The following AOAH variants were observed in gnomAD, a reference collection of about 807,000 sequenced individuals.
AOAH encodes acyloxyacyl hydrolase (neutrophil).
A neutral mutation model predicts 92.2 loss-of-function variants in AOAH; 64 were observed. The ratio of observed to expected loss-of-function variants is 0.69; its 90% confidence interval spans 0.57 to 0.86. The LOEUF (loss-of-function observed/expected upper bound fraction) is 0.86, where lower values mean the gene tolerates loss of function less well. Among genes scored for constraint, AOAH ranks in the 40% least tolerant of loss-of-function variants. The probability of loss-of-function intolerance (pLI) is 0.00; values close to 1 mark genes in which losing one functional copy is unlikely to be tolerated. For missense variants in AOAH, 656 were observed against 694.6 expected, an observed-to-expected ratio of 0.94 and a Z score of 0.62; for synonymous variants, 263 against 254.5, an observed-to-expected ratio of 1.03 and a Z score of -0.32.
chr7:36,530,362 G>T, intron 19 of AOAH, 56 bp downstream of exon 19: 1 of 1,276,334 alleles, frequency 7.8e-7, no homozygotes, highest in Non-Finnish European at 1.1e-6. Context: ...AGTTGCCCAG[G>T]CCCTAAACTA....
At chr7:36,657,889 T>C (rs1043462298) in intron 4 of AOAH, among the ~76,000 whole-genome samples, 3 of 152,206 alleles carry the variant, frequency 2.0e-5, no homozygotes, top group African/African-American at 7.2e-5. Flanking sequence ...CGACTATGTG[T>C]AGCTGTGGGT....
At position 36,672,979 on chromosome 7, in the gene AOAH, CAGA is replaced by C. The variant is rs367739767; in HGVS notation, c.290+961_290+963del. ...CCTCCATAATTTTTTTTATAGAAAG[CAGA>C]AGAAGGATGAACACGGAATTTAGGA... On this transcript the variant is annotated intron_variant, in intron 3 of 20. Transcript: ENST00000617537. Among the ~76,000 whole-genome samples, 428 of 151,422 alleles carry C rather than the reference CAGA, an allele frequency of 2.8e-3. 1 individual carries two copies. Among genetic ancestry groups the C allele is most frequent in the African/African-American group, 9.9e-3 (409 of 41,236 alleles).
At chr7:36,681,607 C>A (rs1796648294) in intron 2 of AOAH, among the ~76,000 whole-genome samples, 2 of 152,084 alleles carry the variant, frequency 1.3e-5, no homozygotes, top group Admixed American at 1.3e-4. Context: ...GAGTTAAAGA[C>A]CAGCCTGACC....
At chr7:36,567,740 C>T (rs577513756) in intron 13 of AOAH, among the ~76,000 whole-genome samples, 2 of 152,144 alleles carry the variant, frequency 1.3e-5, no homozygotes, top group Non-Finnish European at 2.9e-5. Context: ...TGTTTTTGTG[C>T]CCAGGGCAAG....
intron 12 of AOAH, among the ~76,000 whole-genome samples, chr7:36,590,306 AT>A (rs1036424453): frequency 1.4e-3 from 208 of 150,240 alleles, no homozygotes; most frequent in African/African-American, 4.2e-3. Flanking sequence ...CCCCACAGAG[AT>A]TTTTTTTTTC....
intron 19 of AOAH, 141 bp downstream of exon 19, chr7:36,530,277 G>T (rs1231266999): frequency 3.3e-6 from 2 of 604,014 alleles, no homozygotes; most frequent in Non-Finnish European, 3.0e-6. Context: ...AATACTGAGA[G>T]CTATTAGTGT....
intron 13 of AOAH, among the ~76,000 whole-genome samples, chr7:36,566,741 T>C (rs1356308819): frequency 1.3e-5 from 2 of 152,094 alleles, no homozygotes; most frequent in African/African-American, 4.8e-5. Context: ...ATGTAACTGA[T>C]ATATGACCTT....
At position 36,516,472 on chromosome 7, in the gene AOAH, CA is replaced by C. The variant is rs1783723676; in HGVS notation, c.1600-3093del. On this transcript the variant is annotated intron_variant, in intron 20 of 20. Transcript: ENST00000617537. The surrounding 1 kb of genome is among the most constrained non-coding windows in gnomAD (Gnocchi z 5.0). ...ACACACAGAAAGTGCACGGATACCA[CA>C]CACACACACACACAGAAAGCGCACA... 2.4e-5 allele frequency among the ~76,000 whole-genome samples: 2 copies of C among 82,358 alleles called. 1 individual carries two copies. Among genetic ancestry groups the C allele is most frequent in the Non-Finnish European group, 7.1e-5 (2 of 28,136 alleles). 54.0% of individuals were successfully genotyped at this position (82,358 alleles called of 152,430 possible). A position where few individuals can be genotyped will look rare whatever the true frequency, so the allele number is the denominator to read the frequency against.
At chr7:36,680,819 A>G (rs543164226) in intron 2 of AOAH, among the ~76,000 whole-genome samples, 1 of 152,182 alleles carries the variant, frequency 6.6e-6, no homozygotes, top group Non-Finnish European at 1.5e-5. Flanking sequence ...GCAACCCATC[A>G]CTGAAAACCA....
chr7:36,622,411 A>T (rs36087062), intron 7 of AOAH, among the ~76,000 whole-genome samples: 1 of 152,216 alleles, frequency 6.6e-6, no homozygotes, highest in Non-Finnish European at 1.5e-5. Context: ...ATGTGAATCA[A>T]GAGTTATAAT....
chr7:36,660,387 C>A (rs572093494), intron 3 of AOAH, among the ~76,000 whole-genome samples: 1 of 152,332 alleles, frequency 6.6e-6, no homozygotes, highest in South Asian at 2.1e-4. Context: ...ATAATCTCTG[C>A]TAACTGCAAC....
intron 20 of AOAH, among the ~76,000 whole-genome samples, chr7:36,517,214 C>CTTTCTTTCTTT (rs59205788): frequency 2.9e-5 from 3 of 104,830 alleles, no homozygotes; most frequent in African/African-American, 8.0e-5. Flanking sequence ...TTCTTTCTTT[C>CTTTCTTTCTTT]TCTTTCTTTC....
chr7:36,592,327 G>A (rs1188210635), intron 12 of AOAH, among the ~76,000 whole-genome samples: 1 of 152,180 alleles, frequency 6.6e-6, no homozygotes, highest in Non-Finnish European at 1.5e-5. Context: ...AGACAACAGA[G>A]GCTGTAGCAG....
intron 1 of AOAH, among the ~76,000 whole-genome samples, chr7:36,711,475 G>C (rs979268282): frequency 1.3e-5 from 2 of 152,102 alleles, no homozygotes; most frequent in Non-Finnish European, 2.9e-5. Context: ...CCTTCTCAGA[G>C]TGTCCCTGTG....
intron 1 of AOAH, among the ~76,000 whole-genome samples, chr7:36,711,907 A>T (rs557384886): frequency 1.3e-5 from 2 of 152,216 alleles, no homozygotes; most frequent in Non-Finnish European, 2.9e-5. Context: ...TGAACATCAG[A>T]GTGACGGGTA....
intron 1 of AOAH, among the ~76,000 whole-genome samples, chr7:36,719,222 A>G (rs1799462725): frequency 6.6e-6 from 1 of 152,202 alleles, no homozygotes; most frequent in South Asian, 2.1e-4. Context: ...TGTCCAATAA[A>G]TGTTGGCAAT....
At chr7:36,625,584 G>C (rs1323884311) in intron 6 of AOAH, among the ~76,000 whole-genome samples, 1 of 152,178 alleles carries the variant, frequency 6.6e-6, no homozygotes, top group Admixed American at 6.5e-5. Flanking sequence ...AGGCCAGAGA[G>C]AGAGCCACCA....
intron 11 of AOAH, among the ~76,000 whole-genome samples, chr7:36,606,108 T>C (rs544720854): frequency 6.6e-6 from 1 of 152,216 alleles, no homozygotes; most frequent in Non-Finnish European, 1.5e-5. Context: ...GGAGTCGACA[T>C]GAAGGTAACT....
intron 16 of AOAH, among the ~76,000 whole-genome samples, chr7:36,532,942 T>C (rs1186434481): frequency 6.6e-6 from 1 of 152,174 alleles, no homozygotes; most frequent in African/African-American, 2.4e-5. Flanking sequence ...GGGGAGGCAG[T>C]ACCTCATGTC....
Sources: gnomAD v4.1 joint callset for allele counts (sites outside exome capture counted in the v4.1 genomes callset) on GRCh38, gnomAD v4.1.1 for gene constraint, Gnocchi (gnomAD v3.1) non-coding constraint, MANE v1.5 for transcripts, NCBI Gene and HGNC (gene_info 2026-07-23, HGNC 2026-07-21) for gene names.